GRIA1: variants seen among roughly 807,000 people sequenced by gnomAD.
GRIA1 encodes the protein glutamate ionotropic receptor AMPA type subunit 1, also known as glutamate receptor 1.
Under a neutral mutation model 99.2 loss-of-function variants are expected in GRIA1, and 31 were observed. The ratio of observed to expected loss-of-function variants is 0.31; its 90% CI spans 0.23 to 0.42. The LOEUF is 0.42. GRIA1 is among the 10% of genes least tolerant of loss of function. The pLI, the probability that GRIA1 is intolerant of heterozygous loss-of-function variation, is 1.00. For synonymous variants in GRIA1, 438 were observed against 432.4 expected (o/e 1.01, Z -0.16); for missense variants, 782 against 1,157.5 (o/e 0.68, Z 4.71).
At chr5:153,692,259 T>C (rs1472980826) in intron 8 of GRIA1, among the ~76,000 whole-genome samples, 2 of 152,190 alleles carry the variant, frequency 1.3e-5, no homozygotes, top group Non-Finnish European at 2.9e-5. Context: ...AATTTCCTTT[T>C]TATTTGTACT....
chr5:153,671,494 C>A (rs766863315), intron 5 of GRIA1, among the ~76,000 whole-genome samples: 7 of 152,202 alleles, frequency 4.6e-5, no homozygotes, highest in Non-Finnish European at 7.3e-5. Context: ...GTACAGGAAC[C>A]TAGTTCTGAT....
intron 2 of GRIA1, among the ~76,000 whole-genome samples, chr5:153,576,575 A>G (rs1170113657): frequency 1.3e-5 from 2 of 152,220 alleles, no homozygotes; most frequent in African/African-American, 4.8e-5. Flanking sequence ...TGTTGAAATA[A>G]ATCACATCAC....
intron 2 of GRIA1, among the ~76,000 whole-genome samples, chr5:153,607,745 G>A (rs902451370): frequency 2.0e-5 from 3 of 151,916 alleles, no homozygotes; most frequent in Non-Finnish European, 4.4e-5. Flanking sequence ...TAATGTACAT[G>A]TTATTATTGT....
chr5:153,712,423 C>T (rs139233459), intron 11 of GRIA1, among the ~76,000 whole-genome samples: 49 of 152,316 alleles, frequency 3.2e-4, no homozygotes, highest in African/African-American at 9.9e-4. Flanking sequence ...CAATAACCAA[C>T]GATAGCCTGA....
At chr5:153,793,716 G>A (rs1023767256) in intron 13 of GRIA1, among the ~76,000 whole-genome samples, 1 of 152,178 alleles carries the variant, frequency 6.6e-6, no homozygotes, top group Non-Finnish European at 1.5e-5. Context: ...CTTGCAGATG[G>A]CCCTGGATAT....
At chr5:153,554,221 T>C (rs897846066) in intron 2 of GRIA1, among the ~76,000 whole-genome samples, 1 of 152,152 alleles carries the variant, frequency 6.6e-6, no homozygotes, top group African/African-American at 2.4e-5. Flanking sequence ...ACTCTCTCAA[T>C]AGTTTAATTT....
At chr5:153,710,866 G>A (rs942543194) in intron 11 of GRIA1, among the ~76,000 whole-genome samples, 1 of 152,178 alleles carries the variant, frequency 6.6e-6, no homozygotes, top group Non-Finnish European at 1.5e-5. Context: ...AAATGAACCT[G>A]CTGTTGCAAT....
intron 2 of GRIA1, among the ~76,000 whole-genome samples, chr5:153,560,358 C>T (rs34442949): frequency 0.13 from 20,019 of 152,172 alleles, 1,494 homozygotes; most frequent in South Asian, 0.24. Context: ...TATCAGCACC[C>T]ACACAGGACT....
intron 2 of GRIA1, among the ~76,000 whole-genome samples, chr5:153,595,037 A>G (rs1764306739): frequency 6.6e-6 from 1 of 152,048 alleles, no homozygotes; most frequent in Non-Finnish European, 1.5e-5. Flanking sequence ...TTGCTAAGTC[A>G]GTTACCTTCA....
intron 11 of GRIA1, among the ~76,000 whole-genome samples, chr5:153,735,426 A>T (rs1426199961): frequency 6.6e-6 from 1 of 152,192 alleles, no homozygotes; most frequent in Non-Finnish European, 1.5e-5. Flanking sequence ...GGGGTCGCAT[A>T]CACCAGTAAT....
intron 2 of GRIA1, among the ~76,000 whole-genome samples, chr5:153,515,989 G>C (rs1756586821): frequency 6.6e-6 from 1 of 152,158 alleles, no homozygotes; most frequent in African/African-American, 2.4e-5. Context: ...GGGAGGCCAA[G>C]GTGGGCGGAT....
At chr5:153,622,510 T>C (rs535492537) in intron 2 of GRIA1, among the ~76,000 whole-genome samples, 1 of 152,322 alleles carries the variant, frequency 6.6e-6, no homozygotes, top group East Asian at 1.9e-4. Flanking sequence ...GGAATGCAGT[T>C]CTCTCAAGAT....
intron 15 of GRIA1, among the ~76,000 whole-genome samples, chr5:153,804,285 G>C (rs1488702919): frequency 6.6e-6 from 1 of 152,066 alleles, no homozygotes; most frequent in Non-Finnish European, 1.5e-5. Context: ...CAAAGGCATG[G>C]GCTTCAGACT....
At chr5:153,530,301 A>T (rs1167334581) in intron 2 of GRIA1, among the ~76,000 whole-genome samples, 1 of 152,194 alleles carries the variant, frequency 6.6e-6, no homozygotes, top group Non-Finnish European at 1.5e-5. Context: ...TGCTCTGTAG[A>T]TGTTAAAATT....
intron 2 of GRIA1, among the ~76,000 whole-genome samples, chr5:153,595,315 T>A (rs139257826): frequency 1.3e-5 from 2 of 152,348 alleles, no homozygotes; most frequent in African/African-American, 4.8e-5. Context: ...CCAAATACTC[T>A]GTGCTCCATT....
intron 13 of GRIA1, among the ~76,000 whole-genome samples, chr5:153,785,561 G>T (rs1225754630): frequency 1.3e-5 from 2 of 151,448 alleles, no homozygotes; most frequent in African/African-American, 4.9e-5. Context: ...AATTAATGAA[G>T]GAAACAATTA....
intron 5 of GRIA1, among the ~76,000 whole-genome samples, chr5:153,671,023 T>C (rs967017567): frequency 3.3e-5 from 5 of 152,216 alleles, no homozygotes; most frequent in Non-Finnish European, 7.3e-5. Context: ...TTCCTAATTT[T>C]GTTTCTTTTA....
At chr5:153,657,625 A>T (rs573717870) in intron 5 of GRIA1, among the ~76,000 whole-genome samples, 3 of 152,318 alleles carry the variant, frequency 2.0e-5, no homozygotes, top group South Asian at 4.1e-4. Flanking sequence ...TGAATCTAAA[A>T]ATGTGACCAA....
chr5:153,747,113 C>T (rs1173209715), intron 11 of GRIA1, among the ~76,000 whole-genome samples: 1 of 152,158 alleles, frequency 6.6e-6, no homozygotes, highest in Non-Finnish European at 1.5e-5. Context: ...TAGGTAATTC[C>T]TAAAGAAAAG....
Sources: gnomAD v4.1 joint callset for allele counts (sites outside exome capture counted in the v4.1 genomes callset) on GRCh38, gnomAD v4.1.1 for gene constraint, MANE v1.5 for transcripts, NCBI Gene and HGNC (gene_info 2026-07-23, HGNC 2026-07-21) for gene names.